TRPC6: variants seen among roughly 807,000 people sequenced by gnomAD.
The protein encoded by TRPC6 is short transient receptor potential channel 6.
TRPC6 carries 55 observed loss-of-function variants against 90.7 expected under a neutral mutation model. That is an observed-to-expected ratio of 0.61 (90% CI 0.49 to 0.76). The LOEUF (loss-of-function observed/expected upper bound fraction) is 0.76. Ranked by LOEUF, TRPC6 falls within the 30% of genes least tolerant of loss-of-function variation. TRPC6 has a pLI of 0.00. For missense variants in TRPC6, 989 were observed against 1,122.7 expected (o/e 0.88, Z 1.70); for synonymous variants, 393 against 393.0 (o/e 1.00, Z 0.00).
At chr11:101,558,125 C>CA (rs1188501757) in intron 1 of TRPC6, among the ~76,000 whole-genome samples, 8 of 151,462 alleles carry the variant, frequency 5.3e-5, no homozygotes, top group African/African-American at 1.9e-4. Flanking sequence ...TACCTGACCT[C>CA]AAAATCTAGC....
At chr11:101,553,930 G>A (rs1199133219) in intron 1 of TRPC6, among the ~76,000 whole-genome samples, 5 of 152,180 alleles carry the variant, frequency 3.3e-5, no homozygotes, top group African/African-American at 1.2e-4. Flanking sequence ...ACTAGATGCC[G>A]TTGTAAGTGT....
At chr11:101,556,980 T>A (rs180697072) in intron 1 of TRPC6, among the ~76,000 whole-genome samples, 1 of 152,178 alleles carries the variant, frequency 6.6e-6, no homozygotes. Flanking sequence ...TAATTAGATA[T>A]AGGAAAAGCA....
chr11:101,486,026 ATCT>A lies in TRPC6; in HGVS notation c.1294-2864_1294-2862del, dbSNP rs1394035858. 9.9e-5 allele frequency among the ~76,000 whole-genome samples: 15 copies of A among 152,182 alleles called. No individual in the cohort carries two copies. The East Asian group carries it at 2.7e-3, about 27-fold the overall frequency. On this transcript the variant is annotated intron_variant, in intron 4 of 12. Transcript: ENST00000344327. ...TTCTAAAGGGAGTATCAATCCAGGC[ATCT>A]TCTTCTGCTTATTAAAAGTCTTAGG...
intron 1 of TRPC6, among the ~76,000 whole-genome samples, chr11:101,531,358 A>G (rs1410228816): frequency 6.6e-6 from 1 of 152,240 alleles, no homozygotes; most frequent in Non-Finnish European, 1.5e-5. Context: ...TTGGTAGCAT[A>G]GCTGCTTACT....
chr11:101,480,179 A>T (rs1591073465), intron 5 of TRPC6, among the ~76,000 whole-genome samples: 1 of 152,206 alleles, frequency 6.6e-6, no homozygotes, highest in Non-Finnish European at 1.5e-5. Flanking sequence ...ACTCCGTCTC[A>T]AAATAAATAA....
intron 5 of TRPC6, among the ~76,000 whole-genome samples, chr11:101,478,134 G>A (rs1007085943): frequency 6.6e-6 from 1 of 152,194 alleles, no homozygotes; most frequent in Non-Finnish European, 1.5e-5. Flanking sequence ...GTGAATAGCT[G>A]CAGAGCCCTG....
At position 101,583,794 on chromosome 11, in the gene TRPC6, C is replaced by T. The variant is rs1862259896; in HGVS notation, c.-291G>A. The stretch of plus-strand genomic sequence containing the variant: ...CTGGGGCGCCCGGGCAGAGAGGGCA[C>T]AGGCGGGGCCGCTGGTGGTAGCGAA... On this transcript the variant is annotated 5_prime_UTR_variant, in exon 1 of 13. The change creates a new upstream start codon in the 5' untranslated region. Transcript: ENST00000344327. The T allele has an allele frequency of 5.6e-6, 2 of 355,578 alleles. No individual in the cohort carries two copies. Among genetic ancestry groups the T allele is most frequent in the African/African-American group, 2.1e-5 (1 of 47,542 alleles). 22.0% of individuals were successfully genotyped at this position (355,578 alleles called of 1,614,324 possible).
At chr11:101,538,799 A>G (rs987566304) in intron 1 of TRPC6, among the ~76,000 whole-genome samples, 1 of 152,232 alleles carries the variant, frequency 6.6e-6, no homozygotes, top group African/African-American at 2.4e-5. Context: ...GTCATGAACC[A>G]GAGAATGCTG....
intron 6 of TRPC6, 73 bp downstream of exon 6, chr11:101,476,228 C>A (rs181814385): frequency 7.9e-7 from 1 of 1,271,178 alleles, no homozygotes; most frequent in Non-Finnish European, 1.1e-6. Context: ...GTGCAGTAAC[C>A]GAACTACTAC....
chr11:101,480,071 G>A (rs771330411), intron 5 of TRPC6, among the ~76,000 whole-genome samples: 3 of 151,994 alleles, frequency 2.0e-5, no homozygotes, highest in Non-Finnish European at 2.9e-5. Context: ...CCAGCTACTC[G>A]GGAGGCTGAG....
chr11:101,519,524 T>C (rs573957887), intron 1 of TRPC6, among the ~76,000 whole-genome samples: 2 of 152,190 alleles, frequency 1.3e-5, no homozygotes, highest in African/African-American at 4.8e-5. Flanking sequence ...GGTGAAAACA[T>C]GCTACAAAAT....
At chr11:101,555,613 A>G (rs1565241867) in intron 1 of TRPC6, among the ~76,000 whole-genome samples, 1 of 152,184 alleles carries the variant, frequency 6.6e-6, no homozygotes, top group Non-Finnish European at 1.5e-5. Flanking sequence ...TGGTAGAAAA[A>G]CAACTTTATT....
chr11:101,550,140 T>C (rs766776182), intron 1 of TRPC6, among the ~76,000 whole-genome samples: 1 of 151,506 alleles, frequency 6.6e-6, no homozygotes, highest in Non-Finnish European at 1.5e-5. Flanking sequence ...TTTTAAGATG[T>C]TTTTTGCAAC....
chr11:101,453,072 A>G lies in TRPC6; in HGVS notation c.2679T>C (p.Ser893=). The G allele has an allele frequency of 1.9e-6, 3 of 1,613,760 alleles. No homozygotes were observed. The highest frequency in any genetic ancestry group is 1.7e-4 in the Middle Eastern group (1 of 6,058). Residue 893 remains serine, a synonymous_variant, in exon 13 of 13, where the codon AGT becomes AGC. Transcript: ENST00000344327. ...TTTCTTCAAGGAGTTCATAGCGGAG[A>G]CTTGAGATGTCCTGCTTAATTTCCT... The part of the protein sequence containing the change: ...ELKEIKQDIS[S]LRYELLEEKS...
intron 1 of TRPC6, 63 bp downstream of exon 1, chr11:101,583,271 G>C: frequency 6.6e-7 from 1 of 1,522,900 alleles, no homozygotes; most frequent in South Asian, 1.2e-5. Flanking sequence ...GGCCACTCCT[G>C]CGAGCGCACA....
chr11:101,549,761 A>C (rs1362872416), intron 1 of TRPC6, among the ~76,000 whole-genome samples: 2 of 151,432 alleles, frequency 1.3e-5, no homozygotes, highest in Non-Finnish European at 3.0e-5. Flanking sequence ...AATAAAATAA[A>C]ATTGAGAAAG....
At chr11:101,535,875 G>C (rs73575719) in intron 1 of TRPC6, among the ~76,000 whole-genome samples, 4,628 of 152,286 alleles carry the variant, frequency 0.03, 118 homozygotes, top group African/African-American at 0.068. Flanking sequence ...ATGACATCAT[G>C]CTTGATTTTA....
At chr11:101,496,054 CA>C (rs1380647112) in intron 2 of TRPC6, among the ~76,000 whole-genome samples, 1 of 151,356 alleles carries the variant, frequency 6.6e-6, no homozygotes, top group African/African-American at 2.4e-5. Context: ...AAAGGGGAAG[CA>C]AGCACCTTCT....
At chr11:101,454,744 C>T (rs958002578) in intron 11 of TRPC6, among the ~76,000 whole-genome samples, 7 of 151,880 alleles carry the variant, frequency 4.6e-5, no homozygotes, top group East Asian at 1.9e-4. Flanking sequence ...ATTTTACTGT[C>T]GTCTTTATGT....
Sources: gnomAD v4.1 joint callset for allele counts (sites outside exome capture counted in the v4.1 genomes callset) on GRCh38, gnomAD v4.1.1 for gene constraint, MANE v1.5 for transcripts, NCBI Gene and HGNC (gene_info 2026-07-23, HGNC 2026-07-21) for gene names.